Variants in TMEM237 observed in about 807,000 individuals in gnomAD.
TMEM237 encodes the protein transmembrane protein 237.
TMEM237 carries 51 observed loss-of-function variants against 59.1 expected under a neutral mutation model. The observed-to-expected ratio is 0.86, with a 90% CI of 0.69 to 1.09. The LOEUF (loss-of-function observed/expected upper bound fraction) is 1.09. Among genes scored for constraint, TMEM237 ranks in the 50% least tolerant of loss-of-function variants. TMEM237 has a pLI of 0.00. For missense variants in TMEM237, 475 were observed against 478.3 expected, an observed-to-expected ratio of 0.99 and a Z score of 0.06; for synonymous variants, 140 against 166.1, an observed-to-expected ratio of 0.84 and a Z score of 1.21.
chr2:201,629,127 G>C, intron 9 of TMEM237, 103 bp downstream of exon 9: 1 of 909,236 alleles, frequency 1.1e-6, no homozygotes, highest in Middle Eastern at 2.5e-4. Flanking sequence ...AAGTAACATT[G>C]ATACTCTATA....
chr2:201,628,257 T>C (rs1957777432), intron 9 of TMEM237, 108 bp from the exon 10 acceptor site: 1 of 675,836 alleles, frequency 1.5e-6, no homozygotes, highest in African/African-American at 1.8e-5. Context: ...GCACATATAC[T>C]ATTACTAGGT....
At chr2:201,633,669 G>A (rs1687226779) in intron 5 of TMEM237, among the ~76,000 whole-genome samples, 1 of 152,170 alleles carries the variant, frequency 6.6e-6, no homozygotes, top group African/African-American at 2.4e-5. Context: ...CCCAGGCTGT[G>A]CTGAAGATTC....
intron 5 of TMEM237, chr2:201,636,067 C>A (rs1406409924): frequency 6.6e-6 from 1 of 152,170 alleles, no homozygotes; most frequent in Non-Finnish European, 1.5e-5. Context: ...TTAATGGGTA[C>A]CTGGTTCCTA....
At position 201,621,515 on chromosome 2, in the gene TMEM237, A is replaced by C. The variant is rs578242425; in HGVS notation, c.*2740T>G. The C allele has an allele frequency of 6.6e-6, 1 of 152,344 alleles. No homozygotes were observed. The highest frequency in any genetic ancestry group is 1.5e-5 in the Non-Finnish European group (1 of 68,036). The allele number at this position is 152,344 out of a possible 1,614,324, so 9.4% of individuals were successfully genotyped here. ...GAGTTAAACCAAACAAAACAGTAAA[A>C]GGAAATGAACTATTGATACACACAA... On this transcript the variant is annotated 3_prime_UTR_variant, in exon 13 of 13. Transcript: ENST00000409883.
chr2:201,642,057 G>A (rs1374925070), intron 1 of TMEM237, among the ~76,000 whole-genome samples: 1 of 152,158 alleles, frequency 6.6e-6, no homozygotes, highest in Non-Finnish European at 1.5e-5. Flanking sequence ...TGCATACACT[G>A]GGAAGAATGC....
intron 11 of TMEM237, 76 bp downstream of exon 11, chr2:201,627,245 T>C (rs1957767652): frequency 5.8e-6 from 6 of 1,038,186 alleles, no homozygotes; most frequent in Admixed American, 4.5e-5. Context: ...TTATTTGCAG[T>C]TGAAAAAGAA....
rs982253543 is a variant in TMEM237 at position 201,637,765 on chromosome 2, G to A, written c.137-880C>T. Among the ~76,000 whole-genome samples the A allele has an allele frequency of 1.2e-3, 179 of 147,250 alleles. 1 individual carries two copies. Among genetic ancestry groups the A allele is most frequent in the African/African-American group, 4.2e-3 (167 of 39,818 alleles). On this transcript the variant is annotated intron_variant, in intron 4 of 12. Coordinates refer to ENST00000409883, the MANE Select transcript of TMEM237 (RefSeq NM_001044385.3). ...GTCTCAAAAAAAAAAAAAAAAAATA[G>A]AAATGTATCAATAAACAAATGAAAA...
intron 3 of TMEM237, among the ~76,000 whole-genome samples, 164 bp from the exon 4 acceptor site, chr2:201,639,209 G>C (rs1687363605): frequency 1.3e-5 from 2 of 152,182 alleles, no homozygotes; most frequent in Admixed American, 1.3e-4. Flanking sequence ...GAAGATCAGA[G>C]AGAGCCCACA....
chr2:201,642,507 A>G, intron 1 of TMEM237: 1 of 1,331,980 alleles, frequency 7.5e-7, no homozygotes, highest in Non-Finnish European at 1.0e-6. Context: ...CGCAAAAATG[A>G]CGTTCCACCC....
chr2:201,631,990 T>C lies in TMEM237; in HGVS notation c.553+61A>G. On this transcript the variant is annotated intron_variant, in intron 7 of 12. Coordinates refer to ENST00000409883, the MANE Select transcript of TMEM237 (RefSeq NM_001044385.3). ...TCCTTAATTCAGATTTCCAGAAGTA[T>C]AAAGGATATCCTTGGACAATTTTTA... is the stretch of plus-strand genomic sequence containing the variant. The C allele has an allele frequency of 1.9e-6, 3 of 1,561,058 alleles. No individual in the cohort carries two copies. The South Asian group carries it at 3.5e-5, about 18-fold the overall frequency.
At chr2:201,627,239 T>A in intron 11 of TMEM237, 82 bp downstream of exon 11, 1 of 944,898 alleles carries the variant, frequency 1.1e-6, no homozygotes, top group African/African-American at 1.6e-5. Flanking sequence ...CCTTCATTAT[T>A]TGCAGTTGAA....
rs371829793 is a variant in TMEM237 at position 201,635,071 on chromosome 2, A to AAT, written c.275-1642_275-1641dup. The stretch of plus-strand genomic sequence containing the variant: ...TGCTCAAAATATAAAAAATTAGTAA[A>AAT]ATAAATGAAGGAAGAAAATTTTAAA... On this transcript the variant is annotated intron_variant, in intron 5 of 12. Coordinates refer to ENST00000409883, the MANE Select transcript of TMEM237 (RefSeq NM_001044385.3). This position sits in a 1 kb window ranked among gnomAD's most constrained non-coding sequence, Gnocchi z 4.5. 2.2e-3 allele frequency among the ~76,000 whole-genome samples: 329 copies of AAT among 152,336 alleles called. 1 individual carries two copies. The highest frequency in any genetic ancestry group is 7.3e-3 in the African/African-American group (303 of 41,578).
At chr2:201,641,160 T>C (rs1217590662) in intron 1 of TMEM237, among the ~76,000 whole-genome samples, 1 of 152,028 alleles carries the variant, frequency 6.6e-6, no homozygotes, top group Non-Finnish European at 1.5e-5. Flanking sequence ...CCCGGCTAAT[T>C]TTTGTATTTT....
intron 4 of TMEM237, 70 bp from the exon 5 acceptor site, chr2:201,636,955 G>A (rs1687307893): frequency 2.1e-6 from 3 of 1,455,592 alleles, no homozygotes; most frequent in African/African-American, 1.4e-5. Context: ...AAAAGATGGA[G>A]GAAAAGGTAA....
At chr2:201,626,212 T>C (rs1313255096) in intron 11 of TMEM237, 65 bp from the exon 12 acceptor site, 1 of 1,522,210 alleles carries the variant, frequency 6.6e-7, no homozygotes, top group Non-Finnish European at 8.8e-7. Flanking sequence ...AATATATCTA[T>C]TTTATGAACT....
In TMEM237 at chr2:201,635,180, A is replaced by C. The variant is rs1687273483; in HGVS notation, c.274+1568T>G. 6.6e-6 allele frequency among the ~76,000 whole-genome samples: 1 copy of C among 152,176 alleles called. No individual in the cohort carries two copies. The highest frequency in any genetic ancestry group is 1.5e-5 in the Non-Finnish European group (1 of 68,032). ...CTTTTTACTATGTAGATGTATGTAC[A>C]TATTTACGTTCTGGGTTGAACTGTG... On this transcript the variant is annotated intron_variant, in intron 5 of 12. Coordinates refer to ENST00000409883, the MANE Select transcript of TMEM237 (RefSeq NM_001044385.3). The surrounding 1 kb of genome is among the most constrained non-coding windows in gnomAD (Gnocchi z 4.5).
intron 2 of TMEM237, 65 bp from the exon 3 acceptor site, chr2:201,640,330 A>G (rs1687388767): frequency 3.5e-6 from 5 of 1,433,612 alleles, no homozygotes. Context: ...GAAACAATTA[A>G]TTAGAAACCT....
chr2:201,638,869 C>A, intron 4 of TMEM237, 120 bp downstream of exon 4: 1 of 1,002,972 alleles, frequency 1.0e-6, no homozygotes, highest in Non-Finnish European at 1.5e-6. Flanking sequence ...TTAATTCTAT[C>A]CTCAATGAAG....
chr2:201,632,323 G>A (rs1236165599), intron 6 of TMEM237, 115 bp from the exon 7 acceptor site: 15 of 1,190,750 alleles, frequency 1.3e-5, no homozygotes, highest in Non-Finnish European at 1.8e-5. Flanking sequence ...GTTAAGAAAT[G>A]TGGTTTTTAC....
Sources: allele counts gnomAD v4.1 joint callset (sites outside exome capture counted in the v4.1 genomes callset), GRCh38; gene constraint gnomAD v4.1.1; non-coding constraint Gnocchi (gnomAD v3.1); transcripts MANE v1.5; gene names NCBI Gene and HGNC (gene_info 2026-07-23, HGNC 2026-07-21).